The following EPHA8 variants were observed in gnomAD, a reference collection of about 807,000 sequenced individuals.
EPHA8 encodes the protein EPH receptor A8.
Under a neutral mutation model 103.6 loss-of-function variants are expected in EPHA8, and 58 were observed. The ratio of observed to expected loss-of-function variants is 0.56; its 90% CI spans 0.45 to 0.70. The LOEUF is 0.70. Ranked by LOEUF, EPHA8 falls within the 30% of genes least tolerant of loss-of-function variation. The pLI, the probability that EPHA8 is intolerant of heterozygous loss-of-function variation, is 0.00. For synonymous variants in EPHA8, 559 were observed against 572.5 expected, an observed-to-expected ratio of 0.98 and a Z score of 0.34; for missense variants, 1,304 against 1,395.2, an observed-to-expected ratio of 0.93 and a Z score of 1.04.
chr1:22,575,577 C>A (rs988806673), intron 2 of EPHA8, among the ~76,000 whole-genome samples: 1 of 152,150 alleles, frequency 6.6e-6, no homozygotes. Flanking sequence ...TGGTTTATTT[C>A]GGAATCACTG....
chr1:22,579,241 G>C (rs1261808201), intron 3 of EPHA8, among the ~76,000 whole-genome samples: 1 of 151,864 alleles, frequency 6.6e-6, no homozygotes, highest in Non-Finnish European at 1.5e-5. Flanking sequence ...GTGTGCATGT[G>C]AGTATATGTG....
chr1:22,585,606 T>C (rs1429163969), intron 3 of EPHA8, among the ~76,000 whole-genome samples: 1 of 152,214 alleles, frequency 6.6e-6, no homozygotes, highest in Non-Finnish European at 1.5e-5. Context: ...GGTCCAGAGT[T>C]GTGCTCATGA....
intron 3 of EPHA8, among the ~76,000 whole-genome samples, chr1:22,579,902 C>T (rs891773779): frequency 3.9e-5 from 6 of 152,058 alleles, no homozygotes; most frequent in African/African-American, 1.5e-4. Context: ...GACCTTTAGT[C>T]CTCATCACCC....
intron 2 of EPHA8, among the ~76,000 whole-genome samples, chr1:22,572,477 A>T (rs1640570225): frequency 6.6e-6 from 1 of 152,204 alleles, no homozygotes; most frequent in Non-Finnish European, 1.5e-5. Context: ...CCTGCTCTTC[A>T]TCAGGCTGCG....
intron 4 of EPHA8, among the ~76,000 whole-genome samples, chr1:22,588,634 G>C (rs576576875): frequency 1.4e-5 from 2 of 139,228 alleles, no homozygotes; most frequent in South Asian, 5.3e-4. Context: ...GGGTGGGGGG[G>C]ATGGGGTCCC....
At chr1:22,566,236 A>C (rs984450079) in intron 1 of EPHA8, among the ~76,000 whole-genome samples, 1 of 151,918 alleles carries the variant, frequency 6.6e-6, no homozygotes, top group African/African-American at 2.4e-5. Context: ...CTTATCCTCC[A>C]CTTTGAGGTG....
At position 22,576,401 on chromosome 1, in the gene EPHA8, T is replaced by C. The variant is rs1640697111; in HGVS notation, c.344T>C (p.Leu115Pro). ...GACTGCAACAGCATGCCTGGTGTGCTGGGCACCTGCAAGGAGACCTTCAAC... is the reference window on the plus strand; with the variant it reads ...GACTGCAACAGCATGCCTGGTGTGCCGGGCACCTGCAAGGAGACCTTCAAC... ...LRDCNSMPGV[L>P]GTCKETFNLY... Residue 115 changes from leucine (L) to proline (P), a missense_variant, in exon 3 of 17, where the codon CTG becomes CCG. Leu to Pro is a moderately conservative substitution (Grantham distance 98, BLOSUM62 -3). Coordinates refer to ENST00000166244, the MANE Select transcript of EPHA8 (RefSeq NM_020526.5). This position sits in a 1 kb window ranked among gnomAD's most constrained non-coding sequence, Gnocchi z 4.8. 4 of 1,613,774 alleles carry C rather than the reference T, an allele frequency of 2.5e-6. No individual in the cohort carries two copies. The highest frequency in any genetic ancestry group is 1.3e-5 in the African/African-American group (1 of 74,900).
chr1:22,574,275 G>A (rs186144357), intron 2 of EPHA8, among the ~76,000 whole-genome samples: 4,778 of 152,276 alleles, frequency 0.031, 273 homozygotes, highest in African/African-American at 0.11. Context: ...CACCGCGCCC[G>A]GCCAGGCATC....
Position 22,569,412 on chromosome 1 carries a change from TCA to T in EPHA8, c.159+62_159+63del, listed in dbSNP as rs1181277699. The T allele has an allele frequency of 6.6e-7, 1 of 1,513,738 alleles. No individual in the cohort carries two copies. 93.8% of individuals were successfully genotyped at this position (1,513,738 alleles called of 1,614,324 possible). A position where few individuals can be genotyped will look rare whatever the true frequency, so the allele number is the denominator to read the frequency against. On this transcript the variant is annotated intron_variant, in intron 2 of 16. Transcript: ENST00000166244. This position sits in a 1 kb window ranked among gnomAD's most constrained non-coding sequence, Gnocchi z 4.5. ...TCTGTGAGCAGAGAGAGGCTGCCACTCACAGAGTCTGCATGAGATAGATCAAA... is the reference window on the plus strand; with the variant it reads ...TCTGTGAGCAGAGAGAGGCTGCCACTCAGAGTCTGCATGAGATAGATCAAA...
chr1:22,568,514 G>A (rs1171932659), intron 1 of EPHA8, among the ~76,000 whole-genome samples: 4 of 152,308 alleles, frequency 2.6e-5, no homozygotes, highest in African/African-American at 9.6e-5. Flanking sequence ...GCACATTCCC[G>A]GACCTCCCTG....
At position 22,597,849 on chromosome 1, in the gene EPHA8, G is replaced by A. The variant is rs1383674516; in HGVS notation, c.2104G>A (p.Val702Ile). Residue 702 changes from valine (V) to isoleucine (I), a missense_variant, in exon 11 of 17, where the codon GTC becomes ATC. Physicochemically the swap from Val to Ile is conservative, Grantham distance 29. Coordinates refer to ENST00000166244, the MANE Select transcript of EPHA8 (RefSeq NM_020526.5). This position sits in a 1 kb window ranked among gnomAD's most constrained non-coding sequence, Gnocchi z 4.6. ...TCCCAACATCATCCGCCTCGAGGGT[G>A]TCGTCACCCGTGGTAGGTGCCGGGC... ...DHPNIIRLEG[V>I]VTRGRLAMIV... The A allele has an allele frequency of 6.2e-6, 10 of 1,609,280 alleles. No homozygotes were observed. The highest frequency in any genetic ancestry group is 7.6e-6 in the Non-Finnish European group (9 of 1,177,698).
intron 13 of EPHA8, among the ~76,000 whole-genome samples, chr1:22,599,647 GA>G (rs1405979026): frequency 1.6e-3 from 105 of 64,394 alleles, no homozygotes; most frequent in African/African-American, 3.4e-3. Context: ...GGGAGGGAGG[GA>G]AGGAAGGAAA....
At chr1:22,578,346 GTGTA>G (rs1423287703) in intron 3 of EPHA8, among the ~76,000 whole-genome samples, 4 of 148,276 alleles carry the variant, frequency 2.7e-5, no homozygotes, top group Admixed American at 1.4e-4. Flanking sequence ...GTATGCATGT[GTGTA>G]TGTGTGCGTG....
Position 22,589,469 on chromosome 1 carries a change from T to A in EPHA8, c.1315+263T>A, listed in dbSNP as rs1355508794. 2.7e-6 allele frequency: 4 copies of A among 1,479,358 alleles called. No homozygotes were observed. In the African/African-American group the frequency reaches 5.6e-5, roughly 21 times the overall value. The allele number at this position is 1,479,358 out of a possible 1,614,324, so 91.6% of individuals were successfully genotyped here. A position where few individuals can be genotyped will look rare whatever the true frequency, so the allele number is the denominator to read the frequency against. On this transcript the variant is annotated intron_variant, in intron 5 of 16. Coordinates refer to ENST00000166244, the MANE Select transcript of EPHA8 (RefSeq NM_020526.5). This position sits in a 1 kb window ranked among gnomAD's most constrained non-coding sequence, Gnocchi z 4.3. ...GTCGAAAGCCTAGGTTCCAGAACTT[T>A]CCCTCTCTGTGCCTCAGTTTCCTCC... is the stretch of plus-strand genomic sequence containing the variant.
At chr1:22,588,348 T>C (rs1314722914) in intron 4 of EPHA8, among the ~76,000 whole-genome samples, 1 of 151,864 alleles carries the variant, frequency 6.6e-6, no homozygotes, top group East Asian at 1.9e-4. Flanking sequence ...AGACAGAGGC[T>C]CCCATGCCCG....
chr1:22,589,198 A>C lies in EPHA8; in HGVS notation c.1307A>C (p.Asn436Thr), dbSNP rs1019481620. 2.5e-6 allele frequency: 4 copies of C among 1,613,794 alleles called. No homozygotes were observed. The African/African-American group carries it at 5.3e-5, about 22-fold the overall frequency. The change falls in exon 5 of 17, where the codon AAC (asparagine) becomes ACC (threonine). Residue 436 changes from asparagine (N) to threonine (T), a missense_variant. Physicochemically the swap from Asn to Thr is moderately conservative, Grantham distance 65. Transcript: ENST00000166244. The surrounding 1 kb of genome is among the most constrained non-coding windows in gnomAD (Gnocchi z 4.3). Reference sequence around the variant, plus strand: ...GCCGCTGTGGTCAACATCACCACGAACCAGGCAGGTAGGCGGAGAAACTCC... The same window carrying C: ...GCCGCTGTGGTCAACATCACCACGACCCAGGCAGGTAGGCGGAGAAACTCC... ...RRAAVVNITT[N>T]QAAPSQVVVI... is the part of the protein sequence containing the mutation.
At chr1:22,591,553 C>T (rs1477333603) in intron 5 of EPHA8, among the ~76,000 whole-genome samples, 1 of 152,132 alleles carries the variant, frequency 6.6e-6, no homozygotes, top group African/African-American at 2.4e-5. Flanking sequence ...GATGAAAATA[C>T]ATGAGAACAA....
chr1:22,566,044 G>T (rs898884838), intron 1 of EPHA8, among the ~76,000 whole-genome samples: 1 of 152,190 alleles, frequency 6.6e-6, no homozygotes, highest in Non-Finnish European at 1.5e-5. Context: ...TCCCAGCTGG[G>T]TCTAGCAAAG....
In EPHA8 at chr1:22,565,668, G is replaced by T. The variant is rs541080076; in HGVS notation, c.94+1939G>T. On this transcript the variant is annotated intron_variant, in intron 1 of 16. Coordinates refer to ENST00000166244, the MANE Select transcript of EPHA8 (RefSeq NM_020526.5). ...AGCCCCAGAGCCCCTCGAAGAGGGG[G>T]CTTGGACCAGGCTCATGTGCTGAGG... Among the ~76,000 whole-genome samples, 12 of 152,328 alleles carry T rather than the reference G, an allele frequency of 7.9e-5. No homozygotes were observed. In the South Asian group the frequency reaches 2.3e-3, roughly 29 times the overall value.
Sources: allele counts gnomAD v4.1 joint callset (sites outside exome capture counted in the v4.1 genomes callset), GRCh38; gene constraint gnomAD v4.1.1; non-coding constraint Gnocchi (gnomAD v3.1); transcripts MANE v1.5; gene names NCBI Gene and HGNC (gene_info 2026-07-23, HGNC 2026-07-21).